Variants in BBS9 observed in about 807,000 individuals in gnomAD.
The protein encoded by BBS9 is protein PTHB1.
In BBS9, 89 loss-of-function variants were observed where a neutral mutation model predicts 117.7. That is an observed-to-expected ratio of 0.76 (90% CI 0.64 to 0.90). The LOEUF is 0.90. Among genes scored for constraint, BBS9 ranks in the 40% least tolerant of loss-of-function variants. The pLI, the probability that BBS9 is intolerant of heterozygous loss-of-function variation, is 0.00. For missense variants in BBS9, 982 were observed against 1,042.2 expected, an observed-to-expected ratio of 0.94 and a Z score of 0.80; for synonymous variants, 379 against 370.9, an observed-to-expected ratio of 1.02 and a Z score of -0.25.
intron 20 of BBS9, among the ~76,000 whole-genome samples, chr7:33,510,325 T>C (rs562879342): frequency 5.3e-5 from 8 of 152,010 alleles, no homozygotes; most frequent in Non-Finnish European, 8.8e-5. Context: ...CTTGAAGTTC[T>C]ATGGAAAATA....
Position 33,395,807 on chromosome 7 carries a change from T to C in BBS9, c.2115+7663T>C, listed in dbSNP as rs531823482. On this transcript the variant is annotated intron_variant, in intron 19 of 22. Transcript: ENST00000242067. Reference sequence around the variant, plus strand: ...TGGTCCATGGGTTTTTAAATGAGCATGATTTTGGCTGATAACACAGAGGAA... The same window carrying C: ...TGGTCCATGGGTTTTTAAATGAGCACGATTTTGGCTGATAACACAGAGGAA... 1.3e-4 allele frequency among the ~76,000 whole-genome samples: 20 copies of C among 152,286 alleles called. No individual in the cohort carries two copies. The South Asian group carries it at 3.3e-3, about 25-fold the overall frequency.
At chr7:33,592,019 CTTG>C (rs1299759422) in intron 21 of BBS9, among the ~76,000 whole-genome samples, 2 of 152,022 alleles carry the variant, frequency 1.3e-5, no homozygotes, top group Non-Finnish European at 2.9e-5. Flanking sequence ...CTTTTAATGC[CTTG>C]GTGACAATTT....
At chr7:33,166,790 G>A (rs575456943) in intron 4 of BBS9, among the ~76,000 whole-genome samples, 1 of 152,312 alleles carries the variant, frequency 6.6e-6, no homozygotes, top group East Asian at 1.9e-4. Context: ...AGTCTGTCAC[G>A]GCTTCCCTTG....
At chr7:33,213,354 AG>A (rs921497557) in intron 5 of BBS9, among the ~76,000 whole-genome samples, 18 of 152,280 alleles carry the variant, frequency 1.2e-4, no homozygotes, top group African/African-American at 4.1e-4. Flanking sequence ...AAATGCTGCC[AG>A]GCCTGGGACT....
At chr7:33,191,608 A>G (rs759233889) in intron 5 of BBS9, among the ~76,000 whole-genome samples, 1 of 152,182 alleles carries the variant, frequency 6.6e-6, no homozygotes, top group Admixed American at 6.5e-5. Flanking sequence ...CAGTTAAAGG[A>G]TATGCTCTGT....
chr7:33,487,293 C>T (rs900330227), intron 19 of BBS9, among the ~76,000 whole-genome samples: 8 of 152,148 alleles, frequency 5.3e-5, no homozygotes, highest in Non-Finnish European at 1.2e-4. Context: ...TTTTTATACT[C>T]TTTCCATGTA....
chr7:33,254,989 C>G (rs1022918631), intron 5 of BBS9, among the ~76,000 whole-genome samples: 1 of 151,776 alleles, frequency 6.6e-6, no homozygotes, highest in Non-Finnish European at 1.5e-5. Flanking sequence ...GTCCTTTGCC[C>G]ATTTTTGAAT....
Position 33,152,765 on chromosome 7 carries a change from AGGAGAT to A in BBS9, c.182_187del (p.Asp61_Gly62del). ...TCTTTAGCCCCCATCCTGCAAAAAC[AGGAGAT>A]GGAGCTCAAGCCGAAGATTTGCTTC... On this transcript the variant is annotated inframe_deletion, in exon 3 of 23. Coordinates refer to ENST00000242067, the MANE Select transcript of BBS9 (RefSeq NM_198428.3). 6.2e-7 allele frequency: 1 copy of A among 1,613,746 alleles called. No homozygotes were observed.
intron 5 of BBS9, among the ~76,000 whole-genome samples, chr7:33,218,984 C>T (rs1305224251): frequency 2.6e-5 from 4 of 152,214 alleles, no homozygotes; most frequent in Admixed American, 2.0e-4. Context: ...GGGAGAGGCG[C>T]GAGCGGGAAC....
chr7:33,472,885 C>T (rs1293854571), intron 19 of BBS9, among the ~76,000 whole-genome samples: 2 of 152,188 alleles, frequency 1.3e-5, no homozygotes, highest in Non-Finnish European at 2.9e-5. Context: ...AATCACAGAA[C>T]AAATTGCTTT....
At chr7:33,216,137 T>G (rs1448969538) in intron 5 of BBS9, among the ~76,000 whole-genome samples, 1 of 152,238 alleles carries the variant, frequency 6.6e-6, no homozygotes, top group Non-Finnish European at 1.5e-5. Flanking sequence ...TTTCTGACAC[T>G]AGGCCACTGG....
At chr7:33,234,104 G>T (rs1583785476) in intron 5 of BBS9, among the ~76,000 whole-genome samples, 1 of 152,092 alleles carries the variant, frequency 6.6e-6, no homozygotes, top group Non-Finnish European at 1.5e-5. Context: ...ATCGACTGTG[G>T]TGGTGATCAC....
chr7:33,239,729 A>T (rs1037553527), intron 5 of BBS9, among the ~76,000 whole-genome samples: 3 of 152,168 alleles, frequency 2.0e-5, no homozygotes, highest in Non-Finnish European at 2.9e-5. Flanking sequence ...TTAGATATGG[A>T]CTAGGCATGG....
intron 19 of BBS9, among the ~76,000 whole-genome samples, chr7:33,473,135 G>A (rs1397362074): frequency 6.6e-6 from 1 of 152,166 alleles, no homozygotes; most frequent in Admixed American, 6.5e-5. Flanking sequence ...AGTTTTGAAA[G>A]ATTATGTCTT....
chr7:33,560,405 T>C (rs1855916747), intron 21 of BBS9, among the ~76,000 whole-genome samples: 1 of 152,204 alleles, frequency 6.6e-6, no homozygotes. Context: ...CCAATCCCTT[T>C]GTTTAATGAA....
intron 9 of BBS9, among the ~76,000 whole-genome samples, chr7:33,310,450 C>G (rs1419418803): frequency 1.3e-5 from 2 of 152,074 alleles, no homozygotes; most frequent in Non-Finnish European, 2.9e-5. Context: ...TCATTCTGGG[C>G]AAGAGCCAAA....
chr7:33,537,140 G>A (rs1376029652), intron 21 of BBS9, among the ~76,000 whole-genome samples: 2 of 152,178 alleles, frequency 1.3e-5, no homozygotes, highest in South Asian at 2.1e-4. Flanking sequence ...GTGAATAAGT[G>A]TTCAGTATTA....
chr7:33,598,830 A>C (rs1863335263), intron 21 of BBS9, among the ~76,000 whole-genome samples: 1 of 152,218 alleles, frequency 6.6e-6, no homozygotes, highest in Non-Finnish European at 1.5e-5. Flanking sequence ...AGGAAGTTTG[A>C]AAATTACAAT....
rs562403356 is a variant in BBS9 at position 33,516,827 on chromosome 7, A to C, written c.2298+11182A>C. Among the ~76,000 whole-genome samples the C allele has an allele frequency of 7.9e-5, 12 of 152,356 alleles. No homozygotes were observed. The East Asian group carries it at 1.5e-3, about 20-fold the overall frequency. On this transcript the variant is annotated intron_variant, in intron 20 of 22. Coordinates refer to ENST00000242067, the MANE Select transcript of BBS9 (RefSeq NM_198428.3). ...TGCCTAACATAGGAAATTTAGGTTTAGATCTCACTGATAAGTAGTTTGTGA... is the reference window on the plus strand; with the variant it reads ...TGCCTAACATAGGAAATTTAGGTTTCGATCTCACTGATAAGTAGTTTGTGA...
Sources: gnomAD v4.1 joint callset for allele counts (sites outside exome capture counted in the v4.1 genomes callset) on GRCh38, gnomAD v4.1.1 for gene constraint, MANE v1.5 for transcripts, NCBI Gene and HGNC (gene_info 2026-07-23, HGNC 2026-07-21) for gene names.